The following CNTN4 variants were observed in gnomAD, a reference collection of about 807,000 sequenced individuals.
CNTN4 encodes contactin 4.
In CNTN4, 77 loss-of-function variants were observed where a neutral mutation model predicts 122.5. The ratio of observed to expected loss-of-function variants is 0.63; its 90% confidence interval spans 0.52 to 0.76. The LOEUF is 0.76. Among genes scored for constraint, CNTN4 ranks in the 30% least tolerant of loss-of-function variants. The pLI, the probability that CNTN4 is intolerant of heterozygous loss-of-function variation, is 0.00. For missense variants in CNTN4, 1,256 were observed against 1,259.1 expected, an observed-to-expected ratio of 1.00 and a Z score of 0.04; for synonymous variants, 512 against 447.0, an observed-to-expected ratio of 1.15 and a Z score of -1.83.
chr3:2,451,954 G>A (rs6770967), intron 3 of CNTN4, among the ~76,000 whole-genome samples: 99,939 of 151,972 alleles, frequency 0.66, 33,301 homozygotes, highest in East Asian at 0.8. Context: ...TACATAAAGC[G>A]TGCTCTTGAA....
intron 2 of CNTN4, among the ~76,000 whole-genome samples, chr3:2,102,470 T>C (rs1317641931): frequency 2.0e-5 from 3 of 152,310 alleles, no homozygotes; most frequent in Middle Eastern, 3.4e-3. Context: ...TTAGCAGATA[T>C]AACAGATCCA....
chr3:2,339,420 A>C (rs2044094887), intron 3 of CNTN4, among the ~76,000 whole-genome samples, 187 bp downstream of exon 3: 1 of 152,202 alleles, frequency 6.6e-6, no homozygotes, highest in Non-Finnish European at 1.5e-5. Context: ...GAAACTAAGA[A>C]ATAGGGACTA....
intron 4 of CNTN4, among the ~76,000 whole-genome samples, chr3:2,586,440 C>T (rs532443999): frequency 1.1e-4 from 16 of 152,242 alleles, no homozygotes; most frequent in African/African-American, 3.6e-4. Flanking sequence ...TGACAGGCAC[C>T]CACCACCACA....
rs531700494 is a variant in CNTN4, at chr3:3,053,551, C to T, written c.2812-256C>T. Among the ~76,000 whole-genome samples the T allele has an allele frequency of 1.1e-4, 17 of 152,278 alleles. 1 individual carries two copies. In the South Asian group the frequency reaches 2.7e-3, roughly 24 times the overall value. ...TTCCCAAGAGTGTCAACTGAGCCTC[C>T]GAGAGGCTAGGCAGTAGGTAGAATC... On this transcript the variant is annotated intron_variant, in intron 23 of 24. Transcript: ENST00000418658.
chr3:2,631,865 C>CAAAAAAAAAAAAAA (rs1157671569), intron 4 of CNTN4, among the ~76,000 whole-genome samples: 7 of 70,168 alleles, frequency 1.0e-4, no homozygotes, highest in South Asian at 5.0e-4. Context: ...CGTATCTCTA[C>CAAAAAAAAAAAAAA]AAAAAAAAAA....
At chr3:2,596,562 T>C (rs2080780090) in intron 4 of CNTN4, among the ~76,000 whole-genome samples, 1 of 151,996 alleles carries the variant, frequency 6.6e-6, no homozygotes, top group African/African-American at 2.4e-5. Flanking sequence ...ATATAATAGA[T>C]AATATATATT....
chr3:2,502,789 G>A (rs182336853), intron 3 of CNTN4, among the ~76,000 whole-genome samples: 50 of 152,156 alleles, frequency 3.3e-4, no homozygotes, highest in Admixed American at 9.8e-4. Flanking sequence ...ATAAATTACC[G>A]AATCACAGCT....
chr3:2,159,322 C>G (rs2035857428), intron 2 of CNTN4, among the ~76,000 whole-genome samples: 1 of 152,146 alleles, frequency 6.6e-6, no homozygotes, highest in African/African-American at 2.4e-5. Flanking sequence ...CAAACTCTTC[C>G]TTATGAACTT....
chr3:2,162,098 T>G (rs150495002), intron 2 of CNTN4, among the ~76,000 whole-genome samples: 1 of 152,228 alleles, frequency 6.6e-6, no homozygotes, highest in Non-Finnish European at 1.5e-5. Flanking sequence ...TCAAACTAAA[T>G]GTAGTGTAGG....
intron 6 of CNTN4, among the ~76,000 whole-genome samples, chr3:2,769,896 G>A (rs2091013549): frequency 6.6e-6 from 1 of 152,160 alleles, no homozygotes; most frequent in African/African-American, 2.4e-5. Flanking sequence ...AGCCTCTTAT[G>A]GCATTCCCTA....
At chr3:2,530,134 T>A (rs1210707775) in intron 3 of CNTN4, among the ~76,000 whole-genome samples, 1 of 152,104 alleles carries the variant, frequency 6.6e-6, no homozygotes, top group East Asian at 1.9e-4. Context: ...TTGAGAGCAG[T>A]AGGAGCTTTT....
intron 23 of CNTN4, 59 bp from the exon 24 acceptor site, chr3:3,053,748 T>C: frequency 6.4e-7 from 1 of 1,562,134 alleles, no homozygotes; most frequent in South Asian, 1.1e-5. Context: ...AAATGAATGC[T>C]CCATATTTGG....
In CNTN4 at chr3:2,642,305, G is replaced by A. The variant is rs1465177530; in HGVS notation, c.55+70747G>A. Among the ~76,000 whole-genome samples the A allele has an allele frequency of 6.6e-5, 10 of 152,238 alleles. No homozygotes were observed. In the East Asian group the frequency reaches 9.7e-4, roughly 15 times the overall value. On this transcript the variant is annotated intron_variant, in intron 4 of 24. Transcript: ENST00000418658. ...GCTACACTCTGCCTGCTTTTATTCC[G>A]GCTGCACTGGCAGCTGATTAGATGG...
intron 4 of CNTN4, among the ~76,000 whole-genome samples, chr3:2,578,474 A>G (rs1008057559): frequency 1.3e-5 from 2 of 152,202 alleles, no homozygotes; most frequent in Non-Finnish European, 2.9e-5. Context: ...ACTGCACAGC[A>G]AGGTATAATA....
rs1209429892 is a variant in CNTN4, at chr3:2,515,774, A to G, written c.-88-55642A>G. On this transcript the variant is annotated intron_variant, in intron 3 of 24. Coordinates refer to ENST00000418658, the MANE Select transcript of CNTN4 (RefSeq NM_175607.3). ...TGAGAATCTTTACTGCAGATACTGG[A>G]AAAAGCTAAATTAATTTCATAATTT... 3.3e-5 allele frequency among the ~76,000 whole-genome samples: 5 copies of G among 152,298 alleles called. No individual in the cohort carries two copies. The South Asian group carries it at 8.3e-4, about 25-fold the overall frequency.
chr3:2,250,929 A>G (rs1449434272), intron 2 of CNTN4, among the ~76,000 whole-genome samples: 1 of 151,902 alleles, frequency 6.6e-6, no homozygotes, highest in Non-Finnish European at 1.5e-5. Flanking sequence ...ATTTTAAAGG[A>G]ATAATTAGTA....
intron 12 of CNTN4, among the ~76,000 whole-genome samples, 189 bp downstream of exon 12, chr3:2,903,194 G>T (rs532325467): frequency 6.6e-6 from 1 of 152,208 alleles, no homozygotes; most frequent in South Asian, 2.1e-4. Flanking sequence ...TTCTAAATCC[G>T]CCTCTTCTGA....
intron 14 of CNTN4, among the ~76,000 whole-genome samples, chr3:3,014,609 T>C (rs1055580536): frequency 4.0e-5 from 6 of 151,896 alleles, no homozygotes; most frequent in Non-Finnish European, 5.9e-5. Context: ...GCATGTGATG[T>C]CTTTGTGGAG....
At position 2,270,165 on chromosome 3, in the gene CNTN4, G is replaced by A. The variant is rs1274177559; in HGVS notation, c.-144-69013G>A. Among the ~76,000 whole-genome samples, 3 of 42,690 alleles carry A rather than the reference G, an allele frequency of 7.0e-5. 1 individual carries two copies. The highest frequency in any genetic ancestry group is 1.3e-4 in the Non-Finnish European group (2 of 15,994). The allele number at this position is 42,690 out of a possible 152,430, so 28.0% of individuals were successfully genotyped here. ...GGGGTTTCACCTTGTTAGCCAGGAT[G>A]GTCTCGATCTCCTGACCTCATGATC... On this transcript the variant is annotated intron_variant, in intron 2 of 24. Coordinates refer to ENST00000418658, the MANE Select transcript of CNTN4 (RefSeq NM_175607.3).
Sources: gnomAD v4.1 joint callset for allele counts (sites outside exome capture counted in the v4.1 genomes callset) on GRCh38, gnomAD v4.1.1 for gene constraint, MANE v1.5 for transcripts, NCBI Gene and HGNC (gene_info 2026-07-23, HGNC 2026-07-21) for gene names.